Variants in CHD1L observed in about 807,000 individuals in gnomAD.
CHD1L encodes ATP-dependent chromatin remodeler CHD1L.
Under a neutral mutation model 115.9 loss-of-function variants are expected in CHD1L, and 118 were observed. The observed-to-expected ratio is 1.02, with a 90% confidence interval of 0.88 to 1.19. The LOEUF is 1.19. CHD1L is among the 50% of genes most tolerant of loss of function. The pLI is 0.00. For missense variants in CHD1L, 1,179 were observed against 1,065.3 expected, an observed-to-expected ratio of 1.11 and a Z score of -1.49; for synonymous variants, 411 against 387.1, an observed-to-expected ratio of 1.06 and a Z score of -0.72.
At chr1:147,292,484 C>A (rs1209227071) in intron 20 of CHD1L, among the ~76,000 whole-genome samples, 1 of 152,218 alleles carries the variant, frequency 6.6e-6, no homozygotes, top group Non-Finnish European at 1.5e-5. Context: ...AAGAGAGGCT[C>A]ATCCTTTTGA....
chr1:147,264,961 A>G (rs1379107449), intron 7 of CHD1L, among the ~76,000 whole-genome samples: 1 of 152,222 alleles, frequency 6.6e-6, no homozygotes, highest in African/African-American at 2.4e-5. Context: ...ACTACTGTTC[A>G]GCATACTACA....
In CHD1L at chr1:147,272,172, C is replaced by CTACA; in HGVS notation, c.1162_1165dup (p.Ser389IlefsTer4). ...CTGTTTTTCTTCCTCTCTGTAAAGG[C>CTACA]TACAGCTATGAGCGTGTGGATGGTT... is the stretch of plus-strand genomic sequence containing the variant. On this transcript the variant is annotated frameshift_variant and splice_region_variant, in exon 12 of 23. Transcript: ENST00000369258. LOFTEE classifies it high-confidence loss of function. 3 of 1,612,232 alleles carry CTACA rather than the reference C, an allele frequency of 1.9e-6. No homozygotes were observed. The highest frequency in any genetic ancestry group is 3.3e-4 in the Middle Eastern group (2 of 6,058).
chr1:147,257,280 T>A (rs1670455733), intron 5 of CHD1L, among the ~76,000 whole-genome samples: 1 of 152,230 alleles, frequency 6.6e-6, no homozygotes, highest in African/African-American at 2.4e-5. Context: ...CAAAGTATTT[T>A]ATCAATATTT....
In CHD1L at chr1:147,275,556, C is replaced by T. The variant is rs1167231501; in HGVS notation, c.1385+88C>T. On this transcript the variant is annotated intron_variant, in intron 13 of 22. Coordinates refer to ENST00000369258, the MANE Select transcript of CHD1L (RefSeq NM_004284.6). Reference sequence around the variant, plus strand: ...GAAGAATATAGTCCTGGTGACAGTCCCACACTGGGAGCTGAGAGACCACCA... The same window carrying T: ...GAAGAATATAGTCCTGGTGACAGTCTCACACTGGGAGCTGAGAGACCACCA... 4.9e-6 allele frequency: 5 copies of T among 1,027,560 alleles called. No homozygotes were observed. In the East Asian group the frequency reaches 9.7e-5, roughly 20 times the overall value. 63.7% of individuals were successfully genotyped at this position (1,027,560 alleles called of 1,614,324 possible). A position where few individuals can be genotyped will look rare whatever the true frequency, so the allele number is the denominator to read the frequency against.
chr1:147,252,028 T>C (rs1286893533), intron 1 of CHD1L, among the ~76,000 whole-genome samples: 1 of 152,206 alleles, frequency 6.6e-6, no homozygotes, highest in African/African-American at 2.4e-5. Flanking sequence ...TTCTTTGAAA[T>C]TGGATTTTTT....
intron 1 of CHD1L, among the ~76,000 whole-genome samples, chr1:147,250,448 T>G (rs1668051495): frequency 6.6e-6 from 1 of 152,080 alleles, no homozygotes. Context: ...CCCTTCAGCC[T>G]CTGTCCACAT....
upstream of CHD1L, chr1:147,242,557 C>T: frequency 1.2e-6 from 1 of 845,136 alleles, no homozygotes; most frequent in Non-Finnish European, 1.6e-6. Context: ...TGCACCAGCT[C>T]CGCTCCGGAT....
chr1:147,234,687 T>A, the CHD1L span, among the ~76,000 whole-genome samples: 1 of 152,218 alleles, frequency 6.6e-6, no homozygotes, highest in Non-Finnish European at 1.5e-5. Flanking sequence ...GGAGTAATAG[T>A]GAAAAATTTG....
At chr1:147,209,988 T>C in the CHD1L span, 1 of 152,252 alleles carries the variant, frequency 6.6e-6, no homozygotes, top group African/African-American at 2.4e-5. Context: ...AGATAAAGCC[T>C]ACACATCCAC....
chr1:147,214,622 A>T, the CHD1L span, among the ~76,000 whole-genome samples: 1 of 152,090 alleles, frequency 6.6e-6, no homozygotes, highest in Non-Finnish European at 1.5e-5. Context: ...TTCAAGACTC[A>T]GCTTTAAGAA....
At chr1:147,179,588 A>G in the CHD1L span, 1 of 1,584,260 alleles carries the variant, frequency 6.3e-7, no homozygotes, top group Non-Finnish European at 8.7e-7. Context: ...TAATTCAAGA[A>G]GAAAAACCCA....
chr1:147,232,859 C>T, the CHD1L span, among the ~76,000 whole-genome samples: 2 of 152,296 alleles, frequency 1.3e-5, no homozygotes, highest in South Asian at 4.1e-4. Context: ...CAACCTCCAC[C>T]TCCCAGCCGC....
the CHD1L span, chr1:147,208,941 G>T: frequency 1.9e-6 from 3 of 1,613,918 alleles, no homozygotes; most frequent in Admixed American, 1.7e-5. Context: ...ATTGGCCACA[G>T]ATCTTCCATA....
intron 7 of CHD1L, 54 bp from the exon 8 acceptor site, chr1:147,265,878 T>C (rs782079265): frequency 2.0e-6 from 3 of 1,528,868 alleles, no homozygotes; most frequent in East Asian, 2.3e-5. Flanking sequence ...CTAGGGTTCA[T>C]TGCCTTGGTT....
rs41295823 is a variant in CHD1L at position 147,252,535 on chromosome 1, C to T, written c.128-88C>T. ...AGGTTTAGGGTTATGTGAATTTAGG[C>T]TGTGTTCCTCATTCAAACTCTTAGA... On this transcript the variant is annotated intron_variant, in intron 1 of 22. Coordinates refer to ENST00000369258, the MANE Select transcript of CHD1L (RefSeq NM_004284.6). 7.3e-3 allele frequency: 7,046 copies of T among 970,684 alleles called. 28 individuals carry two copies. The highest frequency in any genetic ancestry group is 0.011 in the Middle Eastern group (50 of 4,664). 60.1% of individuals were successfully genotyped at this position (970,684 alleles called of 1,614,324 possible).
intron 19 of CHD1L, among the ~76,000 whole-genome samples, chr1:147,288,736 C>A (rs985721554): frequency 6.6e-6 from 1 of 152,062 alleles, no homozygotes; most frequent in African/African-American, 2.4e-5. Context: ...GACAAGAACT[C>A]GGGTTTGGTG....
At chr1:147,204,867 A>G in the CHD1L span, 17 of 1,597,764 alleles carry the variant, frequency 1.1e-5, no homozygotes, top group Admixed American at 2.3e-4. Flanking sequence ...CTAATTCTGA[A>G]AAGTGTTTCG....
At chr1:147,282,210 C>A (rs185738238) in intron 15 of CHD1L, among the ~76,000 whole-genome samples, 20 of 152,260 alleles carry the variant, frequency 1.3e-4, no homozygotes, top group African/African-American at 4.8e-4. Flanking sequence ...ATGGAGGGCA[C>A]CTTCTCTGAT....
At chr1:147,236,569 C>T in the CHD1L span, among the ~76,000 whole-genome samples, 1 of 152,124 alleles carries the variant, frequency 6.6e-6, no homozygotes, top group East Asian at 1.9e-4. Context: ...GTTCAGTTCT[C>T]AGCAGAGAGG....
Sources: gnomAD v4.1 joint callset for allele counts (sites outside exome capture counted in the v4.1 genomes callset) on GRCh38, gnomAD v4.1.1 for gene constraint, MANE v1.5 for transcripts, NCBI Gene and HGNC (gene_info 2026-07-23, HGNC 2026-07-21) for gene names.